CCNT2: variants seen among roughly 807,000 people sequenced by gnomAD.
CCNT2 encodes the protein cyclin T2, also known as cyclin-T2.
Under a neutral mutation model 70.0 loss-of-function variants are expected in CCNT2, and 18 were observed. That is an observed-to-expected ratio of 0.26 (90% CI 0.18 to 0.38). The LOEUF is 0.38. CCNT2 is among the 10% of genes least tolerant of loss of function. The pLI is 1.00. For missense variants in CCNT2, 734 were observed against 890.2 expected (o/e 0.82, Z 2.23); for synonymous variants, 334 against 313.3 (o/e 1.07, Z -0.70).
At chr2:134,946,596 A>AT (rs958072819) in intron 6 of CCNT2, 10 of 189,018 alleles carry the variant, frequency 5.3e-5, no homozygotes, top group Non-Finnish European at 6.9e-5. Flanking sequence ...GTAATTTGAA[A>AT]TTTTTTTTCA....
chr2:134,944,726 A>G lies in CCNT2; in HGVS notation c.494-1375A>G, dbSNP rs45497394. The G allele has an allele frequency of 5.0e-4, 497 of 984,774 alleles. 13 individuals are homozygous for G. In the East Asian group the frequency reaches 0.038, roughly 74 times the overall value. The allele number at this position is 984,774 out of a possible 1,614,324, so 61.0% of individuals were successfully genotyped here. ...ACTAGAATATATCTCACTCCATTTTAAAAGTACTGTTTCATGTTTTAGTGT... is the reference window on the plus strand; with the variant it reads ...ACTAGAATATATCTCACTCCATTTTGAAAGTACTGTTTCATGTTTTAGTGT... On this transcript the variant is annotated intron_variant, in intron 5 of 8. Coordinates refer to ENST00000264157, the MANE Select transcript of CCNT2 (RefSeq NM_058241.3).
intron 7 of CCNT2, among the ~76,000 whole-genome samples, chr2:134,951,959 CACTT>C (rs1187104582): frequency 6.6e-6 from 1 of 152,188 alleles, no homozygotes; most frequent in Non-Finnish European, 1.5e-5. Context: ...ATAACACTGA[CACTT>C]AGGAGAATAA....
intron 2 of CCNT2, among the ~76,000 whole-genome samples, chr2:134,934,227 C>T (rs1249792791): frequency 6.6e-6 from 1 of 152,102 alleles, no homozygotes; most frequent in Non-Finnish European, 1.5e-5. Flanking sequence ...AATTTGAGAA[C>T]GTTTATTAAA....
At chr2:134,931,853 G>A (rs1347162605) in intron 2 of CCNT2, among the ~76,000 whole-genome samples, 1 of 152,136 alleles carries the variant, frequency 6.6e-6, no homozygotes, top group Admixed American at 6.5e-5. Flanking sequence ...TCCCACCTCA[G>A]CCTCCCAGGT....
In CCNT2 at chr2:134,925,859, CTTTT is replaced by C. The variant is rs3041372; in HGVS notation, c.240+5989_240+5992del. On this transcript the variant is annotated intron_variant, in intron 2 of 8. Transcript: ENST00000264157. ...TAATATTGGAAACTTGGATAGCTGC[CTTTT>C]TTTTTTTTTTTTTTTTTTTTGAGAC... Among the ~76,000 whole-genome samples, 130 of 85,266 alleles carry C rather than the reference CTTTT, an allele frequency of 1.5e-3. 1 individual carries two copies. The highest frequency in any genetic ancestry group is 6.7e-3 in the South Asian group (16 of 2,372). 55.9% of individuals were successfully genotyped at this position (85,266 alleles called of 152,430 possible).
At chr2:134,935,116 TAAAG>T (rs1181881894) in intron 2 of CCNT2, among the ~76,000 whole-genome samples, 6 of 152,212 alleles carry the variant, frequency 3.9e-5, no homozygotes, top group Non-Finnish European at 5.9e-5. Context: ...GGAACACAAA[TAAAG>T]AACTCTGTTC....
rs1285410874 is a variant in CCNT2 at position 134,955,786 on chromosome 2, T to C, written c.*1138T>C. 1.3e-5 allele frequency: 2 copies of C among 151,746 alleles called. No individual in the cohort carries two copies. Among genetic ancestry groups the C allele is most frequent in the Non-Finnish European group, 3.0e-5 (2 of 67,792 alleles). The allele number at this position is 151,746 out of a possible 1,614,324, so 9.4% of individuals were successfully genotyped here. A position where few individuals can be genotyped will look rare whatever the true frequency, so the allele number is the denominator to read the frequency against. On this transcript the variant is annotated 3_prime_UTR_variant, in exon 9 of 9. Transcript: ENST00000264157. ...TATAAAAATGAAATTAAACCTATGC[T>C]CTCAATTCTTTTATATTCTAACAAT...
intron 2 of CCNT2, among the ~76,000 whole-genome samples, chr2:134,934,373 C>G (rs1681000835): frequency 6.6e-6 from 1 of 152,324 alleles, no homozygotes; most frequent in Admixed American, 6.5e-5. Context: ...TTGGCTTGAA[C>G]CAAGCTTGCA....
At chr2:134,940,551 A>G (rs1339118417) in intron 4 of CCNT2, among the ~76,000 whole-genome samples, 1 of 152,220 alleles carries the variant, frequency 6.6e-6, no homozygotes, top group Non-Finnish European at 1.5e-5. Context: ...GGTACATAAA[A>G]TTAATTTTAA....
chr2:134,929,598 AC>A (rs1357721679), intron 2 of CCNT2, among the ~76,000 whole-genome samples: 21 of 149,446 alleles, frequency 1.4e-4, no homozygotes, highest in Admixed American at 8.7e-4. Context: ...ACAGAGCAAG[AC>A]CCTGTCTCAA....
At chr2:134,939,723 C>A (rs540501881) in intron 4 of CCNT2, among the ~76,000 whole-genome samples, 31 of 152,278 alleles carry the variant, frequency 2.0e-4, no homozygotes, top group African/African-American at 7.2e-4. Flanking sequence ...ACTTTGGCCT[C>A]CCAAAGTGCT....
chr2:134,949,165 C>T (rs980437528), intron 7 of CCNT2, among the ~76,000 whole-genome samples: 1 of 152,140 alleles, frequency 6.6e-6, no homozygotes. Context: ...GGACCATAGG[C>T]GCATGCCACC....
intron 2 of CCNT2, among the ~76,000 whole-genome samples, chr2:134,929,835 A>G (rs1194574413): frequency 6.6e-6 from 1 of 151,344 alleles, no homozygotes; most frequent in Non-Finnish European, 1.5e-5. Context: ...ATTTTTAGTA[A>G]TGGCAGGGTT....
rs73959226 is a variant in CCNT2 at position 134,950,394 on chromosome 2, G to T, written c.704-2247G>T. Among the ~76,000 whole-genome samples the T allele has an allele frequency of 3.0e-3, 460 of 152,296 alleles. 1 individual carries two copies. Among genetic ancestry groups the T allele is most frequent in the African/African-American group, 0.01 (431 of 41,574 alleles). The stretch of plus-strand genomic sequence containing the variant: ...AATTCAAAATTAAAGACATGAAGGT[G>T]TGGCCGGGTGCAGTCACTCACATAT... On this transcript the variant is annotated intron_variant, in intron 7 of 8. Coordinates refer to ENST00000264157, the MANE Select transcript of CCNT2 (RefSeq NM_058241.3).
intron 2 of CCNT2, among the ~76,000 whole-genome samples, chr2:134,921,265 C>T (rs1165535966): frequency 8.5e-5 from 13 of 152,150 alleles, no homozygotes. Context: ...CTTTATATGG[C>T]TACAGATGTC....
chr2:134,954,405 TG>T lies in CCNT2; in HGVS notation c.1951del (p.Val651LeufsTer35), dbSNP rs1296336766. On this transcript the variant is annotated frameshift_variant, in exon 9 of 9. Transcript: ENST00000264157. LOFTEE classifies it high-confidence loss of function. ...GTAGTTCATCTAGTTCTTCCTCCTC[TG>T]TTAAGCAGTATATATCCTCTCACAA... The part of the protein sequence containing the change: ...SGSSSSSSSS[V>X]KQYISSHNSV... The T allele has an allele frequency of 1.9e-6, 3 of 1,613,994 alleles. No homozygotes were observed. The highest frequency in any genetic ancestry group is 2.5e-6 in the Non-Finnish European group (3 of 1,179,962).
chr2:134,941,438 G>A (rs1298410436), intron 4 of CCNT2, among the ~76,000 whole-genome samples: 1 of 152,176 alleles, frequency 6.6e-6, no homozygotes, highest in Non-Finnish European at 1.5e-5. Flanking sequence ...TATGTTACCA[G>A]TAAGGCTTCA....
chr2:134,928,768 A>T (rs1012137179), intron 2 of CCNT2, among the ~76,000 whole-genome samples: 1 of 152,210 alleles, frequency 6.6e-6, no homozygotes, highest in African/African-American at 2.4e-5. Flanking sequence ...TTCTGTGGCC[A>T]AAAATCGGAA....
In CCNT2 at chr2:134,954,350, C is replaced by A. The variant is rs929043332; in HGVS notation, c.1895C>A (p.Ser632Tyr). 1 of 1,614,088 alleles carries A rather than the reference C, an allele frequency of 6.2e-7. No individual in the cohort carries two copies. Among genetic ancestry groups the A allele is most frequent in the African/African-American group, 1.3e-5 (1 of 74,920 alleles). ...HVNDASHNHH[S>Y]KMSKSSKSSG... ...AATGATGCATCTCACAACCACCACT[C>A]CAAAATGAGCAAAAGTTCCAAAAGT... Residue 632 changes from serine to tyrosine, a missense_variant, in exon 9 of 9, where the codon TCC (serine) becomes TAC (tyrosine). This residue lies in a region of CCNT2 where 532 missense variants were observed against 556.9 expected (regional missense o/e 0.96). Transcript: ENST00000264157.
Sources: gnomAD v4.1 joint callset for allele counts (sites outside exome capture counted in the v4.1 genomes callset) on GRCh38, gnomAD v4.1.1 for gene constraint, gnomAD v4.1.1 regional missense constraint, MANE v1.5 for transcripts, NCBI Gene and HGNC (gene_info 2026-07-23, HGNC 2026-07-21) for gene names.